ACTL6B: variants seen among roughly 807,000 people sequenced by gnomAD.
ACTL6B encodes actin like 6B.
ACTL6B carries 48 observed loss-of-function variants against 63.3 expected under a neutral mutation model. The ratio of observed to expected loss-of-function variants is 0.76; its 90% confidence interval spans 0.60 to 0.96. ACTL6B has a LOEUF of 0.96. Ranked by LOEUF, ACTL6B falls within the 50% of genes least tolerant of loss-of-function variation. The probability of loss-of-function intolerance (pLI) is 0.00; values close to 1 mark genes in which losing one functional copy is unlikely to be tolerated. For synonymous variants in ACTL6B, 230 were observed against 223.8 expected (o/e 1.03, Z -0.25); for missense variants, 350 against 572.2 (o/e 0.61, Z 3.96).
chr7:100,645,114 C>A (rs1050107059), intron 13 of ACTL6B, among the ~76,000 whole-genome samples: 1 of 152,112 alleles, frequency 6.6e-6, no homozygotes, highest in African/African-American at 2.4e-5. Flanking sequence ...CATGCTTCAG[C>A]CCTGAGCTAA....
At chr7:100,652,385 G>A (rs1255577576) in intron 4 of ACTL6B, among the ~76,000 whole-genome samples, 2 of 147,680 alleles carry the variant, frequency 1.4e-5, no homozygotes, top group Non-Finnish European at 3.0e-5. Context: ...TCGCACCACT[G>A]CACTCCAGCC....
chr7:100,654,979 G>A (rs764203680), intron 4 of ACTL6B, 40 bp downstream of exon 4: 1 of 1,533,280 alleles, frequency 6.5e-7, no homozygotes, highest in Admixed American at 1.7e-5. Flanking sequence ...GAGGTGCAGT[G>A]GAGATCAGGG....
chr7:100,649,989 C>A, intron 5 of ACTL6B, 49 bp downstream of exon 5: 2 of 1,558,628 alleles, frequency 1.3e-6, no homozygotes, highest in Non-Finnish European at 1.8e-6. Flanking sequence ...TCAGCACAGG[C>A]CCCACCCCAG....
rs1803843821 is a variant in ACTL6B at position 100,647,354 on chromosome 7, C to T, written c.760-70G>A. The T allele has an allele frequency of 3.1e-6, 5 of 1,601,122 alleles. No homozygotes were observed. In the South Asian group the frequency reaches 4.4e-5, roughly 14 times the overall value. ...CAGCACCCCCTGCCCCGCTCCCCCT[C>T]CCTGCTCCCCCTCCCATGCGGGGCC... On this transcript the variant is annotated intron_variant, in intron 8 of 13. Transcript: ENST00000160382. The surrounding 1 kb of genome is among the most constrained non-coding windows in gnomAD (Gnocchi z 4.4).
At chr7:100,652,109 T>A (rs947392715) in intron 4 of ACTL6B, among the ~76,000 whole-genome samples, 2 of 151,704 alleles carry the variant, frequency 1.3e-5, no homozygotes, top group African/African-American at 4.8e-5. Context: ...GAAATGAAAT[T>A]GATGAGAGGC....
Position 100,646,132 on chromosome 7 carries a change from A to C in ACTL6B, c.1200+117T>G. ...GAACATTCATTGACTGACATTTCTC[A>C]AAACTAAATGTTTGTTGAATGAATG... On this transcript the variant is annotated intron_variant, in intron 13 of 13. Coordinates refer to ENST00000160382, the MANE Select transcript of ACTL6B (RefSeq NM_016188.5). This position sits in a 1 kb window ranked among gnomAD's most constrained non-coding sequence, Gnocchi z 6.1. 1 of 985,840 alleles carries C rather than the reference A, an allele frequency of 1.0e-6. No homozygotes were observed. 61.1% of individuals were successfully genotyped at this position (985,840 alleles called of 1,614,324 possible). A position where few individuals can be genotyped will look rare whatever the true frequency, so the allele number is the denominator to read the frequency against.
intron 4 of ACTL6B, among the ~76,000 whole-genome samples, chr7:100,653,949 A>C (rs1294988573): frequency 6.6e-6 from 1 of 151,932 alleles, no homozygotes; most frequent in Non-Finnish European, 1.5e-5. Flanking sequence ...GAGGTGGGTA[A>C]GAACATTTTT....
chr7:100,648,689 G>C lies in ACTL6B; in HGVS notation c.563-27C>G, dbSNP rs2131334802. The C allele has an allele frequency of 6.2e-7, 1 of 1,613,202 alleles. No homozygotes were observed. The highest frequency in any genetic ancestry group is 1.3e-5 in the African/African-American group (1 of 75,016). ...TAGAAGGAAGGCACTGTCAGGACCT[G>C]GTCCTCCTGGAGCACCCCCACCCCC... On this transcript the variant is annotated intron_variant, in intron 6 of 13. Transcript: ENST00000160382. The surrounding 1 kb of genome is among the most constrained non-coding windows in gnomAD (Gnocchi z 4.4).
chr7:100,654,820 G>A (rs1429391943), intron 4 of ACTL6B, among the ~76,000 whole-genome samples, 199 bp downstream of exon 4: 1 of 151,994 alleles, frequency 6.6e-6, no homozygotes, highest in Non-Finnish European at 1.5e-5. Flanking sequence ...GCAGCAGAGT[G>A]CATAGAGCAA....
In ACTL6B at chr7:100,648,568, C is replaced by A; in HGVS notation, c.657G>T (p.Met219Ile). 3 of 1,607,106 alleles carry A rather than the reference C, an allele frequency of 1.9e-6. No individual in the cohort carries two copies. The highest frequency in any genetic ancestry group is 2.6e-6 in the Non-Finnish European group (3 of 1,175,984). Residue 219 changes from methionine to isoleucine, a missense_variant, in exon 7 of 14, where the codon ATG becomes ATT. Physicochemically the swap from Met to Ile is conservative, Grantham distance 10. Coordinates refer to ENST00000160382, the MANE Select transcript of ACTL6B (RefSeq NM_016188.5). The surrounding 1 kb of genome is among the most constrained non-coding windows in gnomAD (Gnocchi z 4.4). The stretch of plus-strand genomic sequence containing the variant: ...CCAGAGGCCCCACCTTGGCTGCGAT[C>A]ATGTAAGGTGGGATGATGTCAATGG... The part of the protein sequence containing the change: ...EMAIDIIPPY[M>I]IAAKEPVREG...
At chr7:100,652,421 C>CAAAAAAAA (rs35689439) in intron 4 of ACTL6B, among the ~76,000 whole-genome samples, 1 of 94,948 alleles carries the variant, frequency 1.1e-5, no homozygotes, top group Non-Finnish European at 2.1e-5. Context: ...GACTCCATCT[C>CAAAAAAAA]AAAAAAAAAA....
chr7:100,652,225 C>T (rs866972059), intron 4 of ACTL6B, among the ~76,000 whole-genome samples: 5 of 151,672 alleles, frequency 3.3e-5, no homozygotes, highest in Non-Finnish European at 4.4e-5. Context: ...GGTGAAACCC[C>T]GCCTCTACTA....
intron 4 of ACTL6B, 27 bp from the exon 5 acceptor site, chr7:100,650,162 A>C: frequency 6.2e-7 from 1 of 1,608,640 alleles, no homozygotes; most frequent in Non-Finnish European, 8.5e-7. Context: ...GAGGGGGAGG[A>C]TTCAGGAAGG....
chr7:100,649,672 G>C lies in ACTL6B; in HGVS notation c.467+366C>G, dbSNP rs1001680536. ...GCTATCACCCCAGTGCATAGCACAG[G>C]GTTCAATGCAAGGCAGATCCTAAAA... On this transcript the variant is annotated intron_variant, in intron 5 of 13. Coordinates refer to ENST00000160382, the MANE Select transcript of ACTL6B (RefSeq NM_016188.5). 2.0e-5 allele frequency among the ~76,000 whole-genome samples: 3 copies of C among 152,188 alleles called. 1 individual carries two copies. Among genetic ancestry groups the C allele is most frequent in the Admixed American group, 2.0e-4 (3 of 15,262 alleles).
intron 5 of ACTL6B, chr7:100,649,829 C>T (rs1215738154): frequency 1.2e-5 from 6 of 519,910 alleles, no homozygotes; most frequent in East Asian, 6.6e-5. Flanking sequence ...TCCGGGGAAC[C>T]GAAAGGGGCC....
chr7:100,653,666 C>G (rs549136754), intron 4 of ACTL6B, among the ~76,000 whole-genome samples: 49 of 151,954 alleles, frequency 3.2e-4, no homozygotes, highest in Admixed American at 5.9e-4. Context: ...GTCTCAAAAA[C>G]AAACAACAAA....
chr7:100,647,180 G>T lies in ACTL6B; in HGVS notation c.821+43C>A. On this transcript the variant is annotated intron_variant, in intron 9 of 13. Coordinates refer to ENST00000160382, the MANE Select transcript of ACTL6B (RefSeq NM_016188.5). This position sits in a 1 kb window ranked among gnomAD's most constrained non-coding sequence, Gnocchi z 4.4. ...CCCCCAGCCCACCCCAAGAGTGCCG[G>T]TTCTGCCCTCTCTCCCACCCCAAAG... 6.2e-7 allele frequency: 1 copy of T among 1,605,064 alleles called. No individual in the cohort carries two copies. The highest frequency in any genetic ancestry group is 8.5e-7 in the Non-Finnish European group (1 of 1,172,342).
chr7:100,647,295 A>G lies in ACTL6B; in HGVS notation c.760-11T>C, dbSNP rs1250907784. 1 of 1,612,934 alleles carries G rather than the reference A, an allele frequency of 6.2e-7. No individual in the cohort carries two copies. Among genetic ancestry groups the G allele is most frequent in the South Asian group, 1.1e-5 (1 of 91,068 alleles). On this transcript the variant is annotated splice_polypyrimidine_tract_variant and intron_variant, in intron 8 of 13. Transcript: ENST00000160382. The surrounding 1 kb of genome is among the most constrained non-coding windows in gnomAD (Gnocchi z 4.4). ...GTCCTGGATCACCTCCTGAAATCCC[A>G]GCGGAGGTGGTGAGGGCCTGCCTTC...
rs1167620514 is a variant in ACTL6B, at chr7:100,646,638, G to A, written c.1026C>T (p.Tyr342=). ...MCDIDIRPGL[Y]GSVIVTGGNT... is the part of the protein sequence containing the mutation. ...TCCCGCCGGTGACAATGACACTCCC[G>A]TACAGGCCCTGAGAGCAGGGAGAAG... The change falls in exon 12 of 14, where the codon TAC becomes TAT. Residue 342 remains tyrosine (Y), a synonymous_variant. Coordinates refer to ENST00000160382, the MANE Select transcript of ACTL6B (RefSeq NM_016188.5). The surrounding 1 kb of genome is among the most constrained non-coding windows in gnomAD (Gnocchi z 6.1). 17 of 1,613,964 alleles carry A rather than the reference G, an allele frequency of 1.1e-5. No individual in the cohort carries two copies. Among genetic ancestry groups the A allele is most frequent in the East Asian group, 6.7e-5 (3 of 44,894 alleles).
Sources: allele counts gnomAD v4.1 joint callset (sites outside exome capture counted in the v4.1 genomes callset), GRCh38; gene constraint gnomAD v4.1.1; non-coding constraint Gnocchi (gnomAD v3.1); transcripts MANE v1.5; gene names NCBI Gene and HGNC (gene_info 2026-07-23, HGNC 2026-07-21).